PTPN14: variants seen among roughly 807,000 people sequenced by gnomAD.
The protein encoded by PTPN14 is tyrosine-protein phosphatase non-receptor type 14.
A neutral mutation model predicts 126.8 loss-of-function variants in PTPN14; 53 were observed. That is an observed-to-expected ratio of 0.42 (90% CI 0.34 to 0.53). The LOEUF (loss-of-function observed/expected upper bound fraction) is 0.53, where lower values mean the gene tolerates loss of function less well. PTPN14 is among the 20% of genes least tolerant of loss of function. PTPN14 has a pLI of 0.08. For synonymous variants in PTPN14, 630 were observed against 599.3 expected (o/e 1.05, Z -0.75); for missense variants, 1,257 against 1,552.9 (o/e 0.81, Z 3.20).
intron 1 of PTPN14, chr1:214,532,100 T>C (rs1655563929): frequency 5.4e-6 from 1 of 186,468 alleles, no homozygotes; most frequent in African/African-American, 2.4e-5. Context: ...CACTGTCTTA[T>C]TTTAATGTCA....
At chr1:214,550,250 T>C (rs1656073288) in intron 1 of PTPN14, among the ~76,000 whole-genome samples, 1 of 152,190 alleles carries the variant, frequency 6.6e-6, no homozygotes, top group Non-Finnish European at 1.5e-5. Context: ...ATGAGTAAAC[T>C]AATCCATTTC....
intron 1 of PTPN14, chr1:214,529,303 AGT>A (rs1414499323): frequency 6.6e-6 from 1 of 151,690 alleles, no homozygotes; most frequent in Non-Finnish European, 1.5e-5. Flanking sequence ...GGCATGACAG[AGT>A]GAGACACTGT....
intron 2 of PTPN14, among the ~76,000 whole-genome samples, chr1:214,461,588 C>T (rs1660513826): frequency 6.6e-6 from 1 of 151,248 alleles, no homozygotes; most frequent in South Asian, 2.1e-4. Context: ...CATGATCGTA[C>T]CAGTGCACTC....
At chr1:214,394,823 G>T in intron 9 of PTPN14, 76 bp downstream of exon 9, 1 of 1,278,464 alleles carries the variant, frequency 7.8e-7, no homozygotes, top group Non-Finnish European at 1.1e-6. Context: ...GGGAGAGCAA[G>T]GAAAGGACAT....
At chr1:214,414,893 T>C (rs561969982) in intron 3 of PTPN14, among the ~76,000 whole-genome samples, 167 bp from the exon 4 acceptor site, 1 of 152,290 alleles carries the variant, frequency 6.6e-6, no homozygotes, top group East Asian at 1.9e-4. Context: ...TCTGCCTGTG[T>C]TTATCTTTGT....
chr1:214,451,796 T>G lies in PTPN14; in HGVS notation c.344+9A>C, dbSNP rs748929228. On this transcript the variant is annotated intron_variant, in intron 3 of 18. Coordinates refer to ENST00000366956, the MANE Select transcript of PTPN14 (RefSeq NM_005401.5). ...CCTTATATGGCACACAGGGGGAAAA[T>G]GCACCTACCTTGTGGCCTCTTGCTG... The G allele has an allele frequency of 6.2e-7, 1 of 1,613,288 alleles. No homozygotes were observed. The highest frequency in any genetic ancestry group is 8.5e-7 in the Non-Finnish European group (1 of 1,179,658).
At chr1:214,512,723 G>A (rs1012306848) in intron 1 of PTPN14, among the ~76,000 whole-genome samples, 7 of 152,036 alleles carry the variant, frequency 4.6e-5, no homozygotes, top group East Asian at 1.9e-4. Context: ...ACAGCATCTC[G>A]CTCTGTTGCC....
In PTPN14 at chr1:214,533,694, G is replaced by C. The variant is rs569112521; in HGVS notation, c.-155+17489C>G. ...AAAATACAAAAACAAAAAATTAGCC[G>C]GGCGTGGTGGCGGGCGCCTGTAGTC... On this transcript the variant is annotated intron_variant, in intron 1 of 18. Transcript: ENST00000366956. Among the ~76,000 whole-genome samples the C allele has an allele frequency of 5.3e-5, 8 of 152,008 alleles. No individual in the cohort carries two copies. In the South Asian group the frequency reaches 1.7e-3, roughly 32 times the overall value.
intron 1 of PTPN14, among the ~76,000 whole-genome samples, chr1:214,533,662 T>A (rs1425771857): frequency 6.6e-6 from 1 of 151,624 alleles, no homozygotes; most frequent in Non-Finnish European, 1.5e-5. Context: ...AAACCCCATC[T>A]CTACTAAAAA....
In PTPN14 at chr1:214,384,363, C is replaced by T. The variant is rs150454149; in HGVS notation, c.1492G>A (p.Val498Ile). ...PEMRERHPYT[V>I]PYGPQGVYSN... ...TAGACCCCCTGTGGCCCATAAGGGA[C>T]AGTGTAGGGGTGCCTCTCCCGCATC... Residue 498 changes from valine to isoleucine, a missense_variant, in exon 13 of 19, where the codon GTC (valine) becomes ATC (isoleucine). This residue lies in a region of PTPN14 where 1,021 missense variants were observed against 1,183.3 expected (regional missense o/e 0.86). Transcript: ENST00000366956. The surrounding 1 kb of genome is among the most constrained non-coding windows in gnomAD (Gnocchi z 5.3). The T allele has an allele frequency of 1.5e-4, 237 of 1,614,020 alleles. No individual in the cohort carries two copies. The highest frequency in any genetic ancestry group is 1.9e-4 in the Non-Finnish European group (226 of 1,180,046).
intron 3 of PTPN14, among the ~76,000 whole-genome samples, chr1:214,443,293 C>T (rs1270020808): frequency 1.3e-5 from 2 of 152,148 alleles, no homozygotes; most frequent in Admixed American, 1.3e-4. Context: ...AGGATCAAGA[C>T]AAGCTAATCC....
chr1:214,451,677 C>T, intron 3 of PTPN14, 128 bp downstream of exon 3: 1 of 1,087,526 alleles, frequency 9.2e-7, no homozygotes, highest in Non-Finnish European at 1.3e-6. Flanking sequence ...AACTATTTTA[C>T]CCTCTCCCCC....
chr1:214,391,121 G>C, intron 10 of PTPN14, 76 bp from the exon 11 acceptor site: 4 of 1,138,128 alleles, frequency 3.5e-6, no homozygotes, highest in Non-Finnish European at 4.9e-6. Flanking sequence ...GGGAAGGAGA[G>C]GAAGAGAATA....
intron 2 of PTPN14, among the ~76,000 whole-genome samples, chr1:214,455,821 C>G (rs941178542): frequency 4.6e-5 from 7 of 152,114 alleles, no homozygotes; most frequent in Non-Finnish European, 1.0e-4. Context: ...TGTGTGGATA[C>G]TACAGCGTCA....
chr1:214,474,978 T>TA (rs1404194448), intron 1 of PTPN14, among the ~76,000 whole-genome samples: 1 of 152,092 alleles, frequency 6.6e-6, no homozygotes, highest in Non-Finnish European at 1.5e-5. Context: ...ATGGATAAAA[T>TA]AATGTTGTCT....
chr1:214,361,686 TAGCTGGAACAGACAGCTACATCCAAGGGA>T (rs1200601770), intron 18 of PTPN14, among the ~76,000 whole-genome samples: 1 of 152,220 alleles, frequency 6.6e-6, no homozygotes. Flanking sequence ...TAATTAGCTG[TAGCTGGAACAGACAGCTACATCCAAGGGA>T]CTGAGTGTCC....
At chr1:214,396,272 A>G (rs1287911148) in intron 8 of PTPN14, among the ~76,000 whole-genome samples, 2 of 152,190 alleles carry the variant, frequency 1.3e-5, no homozygotes, top group African/African-American at 2.4e-5. Context: ...TTTACTCTCT[A>G]TGTCAAGGAT....
intron 3 of PTPN14, among the ~76,000 whole-genome samples, chr1:214,432,572 T>C (rs1234723088): frequency 6.6e-6 from 1 of 152,220 alleles, no homozygotes; most frequent in African/African-American, 2.4e-5. Flanking sequence ...CAAATGTCCT[T>C]TGTAGAATGG....
intron 1 of PTPN14, among the ~76,000 whole-genome samples, chr1:214,472,392 CT>C: frequency 6.6e-6 from 1 of 152,300 alleles, no homozygotes; most frequent in East Asian, 1.9e-4. Context: ...CCCTGAGGCC[CT>C]CACCAGAAGC....
Sources: gnomAD v4.1 joint callset for allele counts (sites outside exome capture counted in the v4.1 genomes callset) on GRCh38, gnomAD v4.1.1 for gene constraint, gnomAD v4.1.1 regional missense constraint, Gnocchi (gnomAD v3.1) non-coding constraint, MANE v1.5 for transcripts, NCBI Gene and HGNC (gene_info 2026-07-23, HGNC 2026-07-21) for gene names.